Variants in NBDY observed in about 807,000 individuals in gnomAD.
NBDY encodes negative regulator of P-body association, also known as P-body dissociating protein.
intron 2 of NBDY, among the ~76,000 whole-genome samples, chrX:56,758,679 G>A (rs2045344290): frequency 8.9e-6 from 1 of 111,876 alleles, no homozygotes; most frequent in South Asian, 3.7e-4. Context: ...CCAGGCCCCC[G>A]GCAGTGCTCA....
intron 2 of NBDY, among the ~76,000 whole-genome samples, chrX:56,809,396 C>A (rs1362941958): frequency 9.0e-6 from 1 of 111,658 alleles, no homozygotes; most frequent in Non-Finnish European, 1.9e-5. Context: ...ATGTAAGTCT[C>A]TTTGTAGGTC....
intron 2 of NBDY, among the ~76,000 whole-genome samples, chrX:56,743,368 T>C (rs1304187989): frequency 9.0e-6 from 1 of 111,357 alleles, no homozygotes; most frequent in Admixed American, 9.5e-5. Context: ...GTAGGATTGA[T>C]ATTAGTTCTT....
intron 2 of NBDY, among the ~76,000 whole-genome samples, chrX:56,755,160 A>G (rs1021731900): frequency 8.9e-6 from 1 of 112,285 alleles, no homozygotes; most frequent in South Asian, 3.7e-4. Flanking sequence ...TAAAGACTTA[A>G]ATGTTAGACC....
intron 2 of NBDY, among the ~76,000 whole-genome samples, chrX:56,739,615 A>G (rs1326932710): frequency 1.8e-5 from 2 of 110,191 alleles, no homozygotes; most frequent in Non-Finnish European, 3.8e-5. Context: ...CATATTAGCA[A>G]AAGCACCACA....
chrX:56,763,512 G>C (rs1283766112), intron 2 of NBDY, among the ~76,000 whole-genome samples: 1 of 112,649 alleles, frequency 8.9e-6, no homozygotes, highest in African/African-American at 3.2e-5. Flanking sequence ...GGCTTTCGTA[G>C]GACCCCCAGT....
intron 2 of NBDY, among the ~76,000 whole-genome samples, chrX:56,804,067 G>C (rs951738223): frequency 9.0e-6 from 1 of 110,970 alleles, no homozygotes; most frequent in Non-Finnish European, 1.9e-5. Context: ...ATGTGAAGGG[G>C]TATGGGGGAG....
chrX:56,739,024 C>A lies in NBDY; in HGVS notation c.*166+6825C>A, dbSNP rs1031108848. Among the ~76,000 whole-genome samples the A allele has an allele frequency of 2.8e-5, 3 of 106,922 alleles. No individual in the cohort carries two copies. In the Admixed American group the frequency reaches 3.1e-4, roughly 11 times the overall value. 92.8% of individuals were successfully genotyped at this position (106,922 alleles called of 115,157 possible). ...TTTCTGAAATGGGAGTCTTATGACC[C>A]ACAGTCAAACTAGGTAGGTCAGAGA... On this transcript the variant is annotated intron_variant, in intron 2 of 2. Transcript: ENST00000374922.
rs140456528 is a variant in NBDY at position 56,791,329 on chromosome X, C to T, written c.*167-25991C>T. 4.6e-3 allele frequency among the ~76,000 whole-genome samples: 513 copies of T among 111,853 alleles called. 5 individuals are homozygous for T. Among genetic ancestry groups the T allele is most frequent in the Non-Finnish European group, 7.4e-3 (392 of 53,111 alleles). The stretch of plus-strand genomic sequence containing the variant: ...CCCTGTGGGGAGAAATTGGCATTTC[C>T]CTCCCATTTCTGCTCTGTCTCCGTA... On this transcript the variant is annotated intron_variant, in intron 2 of 2. Coordinates refer to ENST00000374922, the MANE Select transcript of NBDY (RefSeq NM_001348129.2).
intron 2 of NBDY, among the ~76,000 whole-genome samples, chrX:56,783,059 A>C (rs1314553029): frequency 8.9e-6 from 1 of 112,787 alleles, no homozygotes. Context: ...ACAGACACAC[A>C]CAACACCTCA....
intron 2 of NBDY, among the ~76,000 whole-genome samples, chrX:56,736,383 G>A (rs1271450133): frequency 1.8e-5 from 2 of 111,761 alleles, no homozygotes; most frequent in East Asian, 5.6e-4. Context: ...TCCTGCCGCA[G>A]CCTCCCAAAC....
intron 2 of NBDY, among the ~76,000 whole-genome samples, chrX:56,798,864 C>T (rs188737118): frequency 1.8e-5 from 2 of 112,215 alleles, no homozygotes. Flanking sequence ...GTTCCTTTCT[C>T]TCCCTCCTGT....
At chrX:56,756,378 A>T (rs2069611152) in intron 2 of NBDY, among the ~76,000 whole-genome samples, 3 of 109,427 alleles carry the variant, frequency 2.7e-5, no homozygotes, top group Admixed American at 9.8e-5. Flanking sequence ...CAATTAAAAG[A>T]TCCATTTGGA....
intron 2 of NBDY, among the ~76,000 whole-genome samples, chrX:56,804,213 G>C (rs1425329523): frequency 8.9e-6 from 1 of 112,113 alleles, no homozygotes; most frequent in Non-Finnish European, 1.9e-5. Flanking sequence ...GTTTCTTGGG[G>C]AAGGGACAAA....
In NBDY at chrX:56,781,164, T is replaced by G. The variant is rs146170515; in HGVS notation, c.*167-36156T>G. The stretch of plus-strand genomic sequence containing the variant: ...AATCACGTCTGAACTATATCCTGTC[T>G]TCATCTGTGGTTGCATAGGTCCTCA... On this transcript the variant is annotated intron_variant, in intron 2 of 2. Coordinates refer to ENST00000374922, the MANE Select transcript of NBDY (RefSeq NM_001348129.2). Among the ~76,000 whole-genome samples the G allele has an allele frequency of 1.3e-3, 141 of 111,742 alleles. 2 individuals carry two copies. The highest frequency in any genetic ancestry group is 4.2e-3 in the African/African-American group (130 of 30,692).
At chrX:56,737,592 A>AT (rs1320329121) in intron 2 of NBDY, 22 of 531,728 alleles carry the variant, frequency 4.1e-5, no homozygotes, top group Admixed American at 8.6e-5. Flanking sequence ...ACCTGCTTTA[A>AT]TTTTTTTTAA....
intron 2 of NBDY, among the ~76,000 whole-genome samples, chrX:56,807,642 T>A (rs2069859577): frequency 8.9e-6 from 1 of 111,991 alleles, no homozygotes; most frequent in African/African-American, 3.2e-5. Flanking sequence ...ATAGGAATGC[T>A]TGTGATGTTT....
chrX:56,803,306 C>T (rs1459140611), intron 2 of NBDY, among the ~76,000 whole-genome samples: 2 of 111,906 alleles, frequency 1.8e-5, no homozygotes, highest in East Asian at 2.8e-4. Context: ...GGAGTCGTCC[C>T]GCCCACAGCA....
chrX:56,781,197 A>G lies in NBDY; in HGVS notation c.*167-36123A>G, dbSNP rs184294451. Reference sequence around the variant, plus strand: ...TGGTTGCATAGGTCCTCAGGCACATACAAGTATCTTCTCCAGTAATGACAA... The same window carrying G: ...TGGTTGCATAGGTCCTCAGGCACATGCAAGTATCTTCTCCAGTAATGACAA... On this transcript the variant is annotated intron_variant, in intron 2 of 2. Transcript: ENST00000374922. Among the ~76,000 whole-genome samples, 7 of 111,836 alleles carry G rather than the reference A, an allele frequency of 6.3e-5. No individual in the cohort carries two copies. In the Admixed American group the frequency reaches 6.6e-4, roughly 11 times the overall value.
At chrX:56,805,714 G>A (rs970219031) in intron 2 of NBDY, among the ~76,000 whole-genome samples, 1 of 111,789 alleles carries the variant, frequency 8.9e-6, no homozygotes, top group Non-Finnish European at 1.9e-5. Flanking sequence ...GGCCACAGGA[G>A]GCCACTTGGG....
Sources: allele counts gnomAD v4.1 joint callset (sites outside exome capture counted in the v4.1 genomes callset), GRCh38; gene constraint gnomAD v4.1.1; transcripts MANE v1.5; gene names NCBI Gene and HGNC (gene_info 2026-07-23, HGNC 2026-07-21).